The following AXDND1 variants were observed in gnomAD, a reference collection of about 807,000 sequenced individuals.
AXDND1 encodes the protein axonemal dynein light chain domain-containing protein 1.
AXDND1 carries 110 observed loss-of-function variants against 137.5 expected under a neutral mutation model. The observed-to-expected ratio is 0.80, with a 90% CI of 0.69 to 0.94. The LOEUF is 0.94. AXDND1 is among the 40% of genes least tolerant of loss of function. The pLI is 0.00. For synonymous variants in AXDND1, 414 were observed against 399.7 expected, an observed-to-expected ratio of 1.04 and a Z score of -0.43; for missense variants, 1,191 against 1,169.8, an observed-to-expected ratio of 1.02 and a Z score of -0.26.
chr1:179,443,108 C>G (rs1351681773), intron 15 of AXDND1, among the ~76,000 whole-genome samples: 1 of 152,138 alleles, frequency 6.6e-6, no homozygotes, highest in Non-Finnish European at 1.5e-5. Flanking sequence ...CTTCAAGGAG[C>G]CCAGCGCCAA....
rs1667881041 is a variant in AXDND1, at chr1:179,370,002, G to T, written c.298G>T (p.Val100Phe). 15 of 1,614,044 alleles carry T rather than the reference G, an allele frequency of 9.3e-6. No homozygotes were observed. Among genetic ancestry groups the T allele is most frequent in the African/African-American group, 1.3e-5 (1 of 75,046 alleles). ...CACTCTTCCACGCCTTGTAGACCAT[G>T]TCTGGCATCACCCTGTTCGAAGGAA... ...KGTLPRLVDH[V>F]WHHPVRRNKF... is the part of the protein sequence containing the mutation. Residue 100 changes from valine (V) to phenylalanine (F), a missense_variant, in exon 4 of 26, where the codon GTC becomes TTC. Transcript: ENST00000367618.
chr1:179,476,344 A>G (rs1415079951), intron 17 of AXDND1, among the ~76,000 whole-genome samples: 35 of 152,200 alleles, frequency 2.3e-4, no homozygotes, highest in Non-Finnish European at 2.9e-5. Context: ...AGGTCCAACA[A>G]TATGTCCTAT....
rs5779031 is a variant in AXDND1, at chr1:179,525,477, CTACATACA to C, written c.2610+53_2610+60del. Reference sequence around the variant, plus strand: ...GATTATTTGGTATTTGTTTTTCCTCCTACATACATACATACATACATACATACATATAT... The same window carrying C: ...GATTATTTGGTATTTGTTTTTCCTCCTACATACATACATACATACATATAT... On this transcript the variant is annotated intron_variant, in intron 22 of 25. Coordinates refer to ENST00000367618, the MANE Select transcript of AXDND1 (RefSeq NM_144696.6). 1,649 of 1,470,224 alleles carry C rather than the reference CTACATACA, an allele frequency of 1.1e-3. 8 individuals are homozygous for C. The highest frequency in any genetic ancestry group is 9.2e-4 in the African/African-American group (63 of 68,784). The allele number at this position is 1,470,224 out of a possible 1,614,324, so 91.1% of individuals were successfully genotyped here.
chr1:179,491,793 G>T (rs1666928786), intron 19 of AXDND1, 56 bp downstream of exon 19: 2 of 1,398,110 alleles, frequency 1.4e-6, no homozygotes, highest in Admixed American at 5.1e-5. Context: ...GCATATAACA[G>T]AGAAGAGACA....
intron 4 of AXDND1, among the ~76,000 whole-genome samples, 154 bp from the exon 5 acceptor site, chr1:179,378,483 C>T (rs549079877): frequency 7.9e-5 from 12 of 152,230 alleles, no homozygotes; most frequent in Non-Finnish European, 1.8e-4. Flanking sequence ...ATGTTTAATG[C>T]CTCAGTCTTA....
intron 21 of AXDND1, among the ~76,000 whole-genome samples, chr1:179,510,749 T>TTTTTTA (rs1408377909): frequency 5.9e-5 from 9 of 152,138 alleles, no homozygotes; most frequent in Non-Finnish European, 1.2e-4. Context: ...AAGTCTTTTA[T>TTTTTTA]TTTTTATTTT....
Position 179,366,445 on chromosome 1 carries a change from G to T in AXDND1, c.-65G>T. Reference sequence around the variant, plus strand: ...GCAAGTCCCAGTGCGGCGCTGATTTGTGTCTAAATTAGCTTTCCGGAGGAC... The same window carrying T: ...GCAAGTCCCAGTGCGGCGCTGATTTTTGTCTAAATTAGCTTTCCGGAGGAC... On this transcript the variant is annotated 5_prime_UTR_variant, in exon 2 of 26. Coordinates refer to ENST00000367618, the MANE Select transcript of AXDND1 (RefSeq NM_144696.6). The T allele has an allele frequency of 7.6e-7, 1 of 1,321,636 alleles. No homozygotes were observed. Among genetic ancestry groups the T allele is most frequent in the South Asian group, 1.2e-5 (1 of 84,554 alleles). 81.9% of individuals were successfully genotyped at this position (1,321,636 alleles called of 1,614,324 possible). A position where few individuals can be genotyped will look rare whatever the true frequency, so the allele number is the denominator to read the frequency against.
intron 23 of AXDND1, chr1:179,533,164 G>T (rs1478284560): frequency 6.6e-6 from 1 of 152,042 alleles, no homozygotes; most frequent in Non-Finnish European, 1.5e-5. Flanking sequence ...GACTTTAAAA[G>T]TATATTGTTC....
At chr1:179,535,440 T>A (rs1347052387) in intron 25 of AXDND1, among the ~76,000 whole-genome samples, 1 of 152,180 alleles carries the variant, frequency 6.6e-6, no homozygotes, top group Non-Finnish European at 1.5e-5. Flanking sequence ...GTTCTCATTG[T>A]TCAACTCCCA....
intron 25 of AXDND1, chr1:179,548,674 ATAC>A (rs772426442): frequency 6.6e-6 from 1 of 152,228 alleles, no homozygotes; most frequent in Non-Finnish European, 1.5e-5. Flanking sequence ...AAGGAGATGC[ATAC>A]TTACTCAGAG....
intron 12 of AXDND1, among the ~76,000 whole-genome samples, chr1:179,419,551 C>G (rs931670529): frequency 6.8e-6 from 1 of 147,324 alleles, no homozygotes; most frequent in Non-Finnish European, 1.5e-5. Flanking sequence ...TGCAGTGAGC[C>G]GAGATGGCAG....
Position 179,526,900 on chromosome 1 carries a change from C to T in AXDND1, c.2611-1427C>T, listed in dbSNP as rs79270170. The stretch of plus-strand genomic sequence containing the variant: ...CACAAGATGTTTATGGTTGAGGAAA[C>T]GAGTTAATGGAAAAAGGCATTCTCA... On this transcript the variant is annotated intron_variant, in intron 22 of 25. Coordinates refer to ENST00000367618, the MANE Select transcript of AXDND1 (RefSeq NM_144696.6). Among the ~76,000 whole-genome samples, 946 of 152,178 alleles carry T rather than the reference C, an allele frequency of 6.2e-3. 10 individuals are homozygous for T. The highest frequency in any genetic ancestry group is 0.022 in the African/African-American group (911 of 41,506).
intron 20 of AXDND1, 131 bp downstream of exon 20, chr1:179,493,082 A>T: frequency 1.7e-6 from 1 of 582,780 alleles, no homozygotes; most frequent in Non-Finnish European, 2.9e-6. Context: ...AAATATGCAT[A>T]TACTCATAAA....
intron 15 of AXDND1, among the ~76,000 whole-genome samples, chr1:179,435,163 C>G (rs1364026151): frequency 6.6e-6 from 1 of 152,058 alleles, no homozygotes; most frequent in African/African-American, 2.4e-5. Context: ...TCAAGGAGAA[C>G]TACAAAACAC....
intron 2 of AXDND1, 81 bp from the exon 3 acceptor site, chr1:179,368,719 G>C: frequency 9.0e-7 from 1 of 1,115,072 alleles, no homozygotes; most frequent in Non-Finnish European, 1.3e-6. Flanking sequence ...AAACAGATGG[G>C]ATTGATGAGG....
At chr1:179,394,163 A>G (rs1481234471) in intron 10 of AXDND1, 120 bp downstream of exon 10, 1 of 1,059,232 alleles carries the variant, frequency 9.4e-7, no homozygotes, top group Non-Finnish European at 1.3e-6. Context: ...TTTCCTTTTC[A>G]TGTTTAGCAA....
At chr1:179,420,508 G>A (rs1655514066) in intron 12 of AXDND1, among the ~76,000 whole-genome samples, 1 of 152,032 alleles carries the variant, frequency 6.6e-6, no homozygotes, top group Admixed American at 6.6e-5. Flanking sequence ...ATGTTGAATT[G>A]ATATTAGTTC....
chr1:179,477,836 T>A (rs1464664829), intron 17 of AXDND1, among the ~76,000 whole-genome samples: 2 of 152,154 alleles, frequency 1.3e-5, no homozygotes, highest in Non-Finnish European at 2.9e-5. Flanking sequence ...CCTGTAAGCC[T>A]GTAAAATCAA....
intron 4 of AXDND1, among the ~76,000 whole-genome samples, chr1:179,373,698 A>T (rs1668277568): frequency 6.6e-6 from 1 of 152,192 alleles, no homozygotes. Context: ...CTGATCTTTG[A>T]CAAACCTGAC....
Sources: gnomAD v4.1 joint callset for allele counts (sites outside exome capture counted in the v4.1 genomes callset) on GRCh38, gnomAD v4.1.1 for gene constraint, MANE v1.5 for transcripts, NCBI Gene and HGNC (gene_info 2026-07-23, HGNC 2026-07-21) for gene names.